The following SF3B3 variants were observed in gnomAD, a reference collection of about 807,000 sequenced individuals.
The protein encoded by SF3B3 is splicing factor 3b subunit 3, also known as SAP 130.
Under a neutral mutation model 139.2 loss-of-function variants are expected in SF3B3, and 33 were observed. The ratio of observed to expected loss-of-function variants is 0.24; its 90% confidence interval spans 0.18 to 0.32. The LOEUF (loss-of-function observed/expected upper bound fraction) is 0.32, where lower values mean the gene tolerates loss of function less well. Ranked by LOEUF, SF3B3 falls within the 10% of genes least tolerant of loss-of-function variation. The pLI is 1.00. For missense variants in SF3B3, 818 were observed against 1,509.4 expected (o/e 0.54, Z 7.59); for synonymous variants, 596 against 563.6 (o/e 1.06, Z -0.81).
chr16:70,555,247 AC>A, intron 13 of SF3B3, 41 bp downstream of exon 13: 2 of 1,565,628 alleles, frequency 1.3e-6, no homozygotes, highest in Non-Finnish European at 1.8e-6. Context: ...TATTGTAGGG[AC>A]CAGAGGGAAA....
At chr16:70,538,549 A>G in intron 7 of SF3B3, 89 bp downstream of exon 7, 2 of 1,185,794 alleles carry the variant, frequency 1.7e-6, no homozygotes, top group Admixed American at 2.3e-5. Flanking sequence ...AAAAATGAGA[A>G]CTTAGAAAGT....
intron 2 of SF3B3, chr16:70,526,942 C>G: frequency 1.7e-6 from 1 of 589,186 alleles, no homozygotes; most frequent in Non-Finnish European, 3.0e-6. Context: ...TGATTCTTGT[C>G]AGGGCACACT....
intron 1 of SF3B3, 59 bp from the exon 2 acceptor site, chr16:70,526,528 C>T (rs2050066279): frequency 1.6e-6 from 1 of 640,692 alleles, no homozygotes; most frequent in Non-Finnish European, 2.7e-6. Context: ...ATTTCCCATA[C>T]AGAAATGTCT....
rs374741990 is a variant in SF3B3 at position 70,544,422 on chromosome 16, C to G, written c.1234-16C>G. 5 of 1,555,268 alleles carry G rather than the reference C, an allele frequency of 3.2e-6. No individual in the cohort carries two copies. Among genetic ancestry groups the G allele is most frequent in the East Asian group, 4.5e-5 (2 of 44,582 alleles). ...GCACTGGAGACATTTTTTCCTCTAA[C>G]TTTTTCTCTGTGCAGATAGCTGATC... On this transcript the variant is annotated splice_polypyrimidine_tract_variant and intron_variant, in intron 9 of 25. Transcript: ENST00000302516.
Position 70,555,209 on chromosome 16 carries a change from A to G in SF3B3, c.1710+3A>G. ...TGGTCTATTTCGAGATGGATCCTGT[A>G]TGTTATTTTATCATTCACTGTGGGA... On this transcript the variant is annotated splice_donor_region_variant and intron_variant, in intron 13 of 25. Coordinates refer to ENST00000302516, the MANE Select transcript of SF3B3 (RefSeq NM_012426.5). The G allele has an allele frequency of 6.2e-7, 1 of 1,613,238 alleles. No homozygotes were observed.
At chr16:70,557,340 A>G (rs749718980) in intron 15 of SF3B3, among the ~76,000 whole-genome samples, 10 of 152,248 alleles carry the variant, frequency 6.6e-5, no homozygotes, top group African/African-American at 2.2e-4. Flanking sequence ...AAAAGCAGCA[A>G]TGAATACCTC....
Position 70,572,083 on chromosome 16 carries a change from A to C in SF3B3, c.*270A>C. ...TAGAACCTGAGTCCCCCATTCCCCA[A>C]AGCCATCCCTGCATTGATATGTCTT... On this transcript the variant is annotated 3_prime_UTR_variant, in exon 26 of 26. Transcript: ENST00000302516. The C allele has an allele frequency of 3.3e-6, 2 of 607,122 alleles. No individual in the cohort carries two copies. The highest frequency in any genetic ancestry group is 1.8e-5 in the African/African-American group (1 of 55,212). 37.6% of individuals were successfully genotyped at this position (607,122 alleles called of 1,614,324 possible).
intron 13 of SF3B3, among the ~76,000 whole-genome samples, chr16:70,555,733 C>G (rs1226660044): frequency 6.6e-6 from 1 of 152,298 alleles, no homozygotes; most frequent in South Asian, 2.1e-4. Context: ...GTTCAGTACA[C>G]TTAATTCTCT....
At chr16:70,542,883 A>C (rs2050233000) in intron 9 of SF3B3, among the ~76,000 whole-genome samples, 1 of 151,464 alleles carries the variant, frequency 6.6e-6, no homozygotes, top group South Asian at 2.1e-4. Context: ...CACCATGCCC[A>C]GCTAATTTTT....
rs1381612237 is a variant in SF3B3 at position 70,569,944 on chromosome 16, C to G, written c.3265-62C>G. The G allele has an allele frequency of 3.1e-6, 5 of 1,599,634 alleles. No homozygotes were observed. The Admixed American group carries it at 5.1e-5, about 16-fold the overall frequency. On this transcript the variant is annotated intron_variant, in intron 23 of 25. Transcript: ENST00000302516. ...TGTGCCTTAGGGAGCACTGCTTGCCCTTGGGAGTCCAGGGAGGCTCCTGAG... is the reference window on the plus strand; with the variant it reads ...TGTGCCTTAGGGAGCACTGCTTGCCGTTGGGAGTCCAGGGAGGCTCCTGAG...
chr16:70,541,852 G>T lies in SF3B3; in HGVS notation c.1233+18G>T. ...TTTGCCAGGTTGGTGGGCCTTTCCA[G>T]CCCCTTCCACAATAGATCTAAAGTT... On this transcript the variant is annotated intron_variant, in intron 9 of 25. Transcript: ENST00000302516. 1 of 1,607,978 alleles carries T rather than the reference G, an allele frequency of 6.2e-7. No individual in the cohort carries two copies. Among genetic ancestry groups the T allele is most frequent in the Non-Finnish European group, 8.5e-7 (1 of 1,176,112 alleles).
At chr16:70,558,141 C>T (rs1265997318) in intron 15 of SF3B3, among the ~76,000 whole-genome samples, 1 of 152,168 alleles carries the variant, frequency 6.6e-6, no homozygotes, top group Non-Finnish European at 1.5e-5. Flanking sequence ...CTTATGTGTT[C>T]AAGTTCCTGT....
intron 25 of SF3B3, 56 bp from the exon 26 acceptor site, chr16:70,571,617 C>T (rs888977925): frequency 7.0e-6 from 11 of 1,567,872 alleles, no homozygotes; most frequent in Non-Finnish European, 8.7e-6. Context: ...TTAGCATGTG[C>T]CATTTTCTTT....
At chr16:70,549,926 A>AAAAAAG (rs2050306327) in intron 11 of SF3B3, among the ~76,000 whole-genome samples, 1 of 152,214 alleles carries the variant, frequency 6.6e-6, no homozygotes, top group Non-Finnish European at 1.5e-5. Context: ...CTCCATGTCA[A>AAAAAAG]AAAAAGAAAA....
Position 70,559,033 on chromosome 16 carries a change from T to C in SF3B3, c.2011-1436T>C, listed in dbSNP as rs529847868. On this transcript the variant is annotated intron_variant, in intron 15 of 25. Coordinates refer to ENST00000302516, the MANE Select transcript of SF3B3 (RefSeq NM_012426.5). The stretch of plus-strand genomic sequence containing the variant: ...ATACTTAATAGGTGGTGCTGTTTAC[T>C]CCTGTTGCATCACGTCAGGAGGAGT... Among the ~76,000 whole-genome samples, 3 of 152,344 alleles carry C rather than the reference T, an allele frequency of 2.0e-5. No homozygotes were observed. The South Asian group carries it at 6.2e-4, about 32-fold the overall frequency.
intron 10 of SF3B3, 47 bp downstream of exon 10, chr16:70,544,580 C>G (rs1437401270): frequency 9.3e-7 from 1 of 1,070,128 alleles, no homozygotes; most frequent in African/African-American, 1.6e-5. Flanking sequence ...GAGGGAAGCA[C>G]TGACAAAGTA....
intron 1 of SF3B3, 106 bp from the exon 2 acceptor site, chr16:70,526,481 A>G (rs922664529): frequency 3.5e-6 from 2 of 574,628 alleles, no homozygotes; most frequent in Admixed American, 3.4e-5. Context: ...GTTTCTTAAT[A>G]GGGCTTGCTC....
chr16:70,539,719 G>C (rs574262333), intron 8 of SF3B3, among the ~76,000 whole-genome samples: 1 of 152,096 alleles, frequency 6.6e-6, no homozygotes, highest in Non-Finnish European at 1.5e-5. Context: ...GGTATCTCCA[G>C]AACTATCTTT....
chr16:70,543,412 A>C (rs558549055), intron 9 of SF3B3, among the ~76,000 whole-genome samples: 2 of 148,188 alleles, frequency 1.3e-5, no homozygotes, highest in African/African-American at 5.1e-5. Flanking sequence ...CCGTCTCAAA[A>C]AAGAAAAAAA....
Sources: allele counts gnomAD v4.1 joint callset (sites outside exome capture counted in the v4.1 genomes callset), GRCh38; gene constraint gnomAD v4.1.1; transcripts MANE v1.5; gene names NCBI Gene and HGNC (gene_info 2026-07-23, HGNC 2026-07-21).